DPY19L3: variants seen among roughly 807,000 people sequenced by gnomAD.
The protein encoded by DPY19L3 is dpy-19 like C-mannosyltransferase 3, also known as protein C-mannosyl-transferase DPY19L3.
DPY19L3 carries 51 observed loss-of-function variants against 92.3 expected under a neutral mutation model. The ratio of observed to expected loss-of-function variants is 0.55; its 90% confidence interval spans 0.44 to 0.70. DPY19L3 has a LOEUF of 0.70. Ranked by LOEUF, DPY19L3 falls within the 30% of genes least tolerant of loss-of-function variation. DPY19L3 has a pLI of 0.00. For synonymous variants in DPY19L3, 309 were observed against 315.2 expected (o/e 0.98, Z 0.21); for missense variants, 706 against 855.9 (o/e 0.82, Z 2.18).
chr19:32,417,517 C>T (rs1357457987), intron 3 of DPY19L3, among the ~76,000 whole-genome samples: 1 of 152,120 alleles, frequency 6.6e-6, no homozygotes, highest in Admixed American at 6.5e-5. Context: ...GATGGGATTT[C>T]ACCATGTTGG....
At chr19:32,477,962 C>T (rs1002633609) in intron 17 of DPY19L3, among the ~76,000 whole-genome samples, 1 of 152,164 alleles carries the variant, frequency 6.6e-6, no homozygotes, top group Non-Finnish European at 1.5e-5. Context: ...TGCAGGGAAA[C>T]TCCCCCTTAT....
chr19:32,417,772 A>T (rs1968427660), intron 3 of DPY19L3, among the ~76,000 whole-genome samples: 1 of 152,142 alleles, frequency 6.6e-6, no homozygotes, highest in Non-Finnish European at 1.5e-5. Flanking sequence ...TCTTTCCTTT[A>T]TAAATTACCC....
intron 9 of DPY19L3, among the ~76,000 whole-genome samples, chr19:32,453,851 CT>C (rs1425302651): frequency 1.3e-5 from 2 of 152,016 alleles, no homozygotes; most frequent in Admixed American, 1.3e-4. Context: ...ATGACTTGCT[CT>C]TTTAGCTTTA....
chr19:32,430,828 A>G (rs1367353203), intron 3 of DPY19L3, among the ~76,000 whole-genome samples: 3 of 136,758 alleles, frequency 2.2e-5, no homozygotes, highest in Non-Finnish European at 4.7e-5. Flanking sequence ...GGGTTTTGCC[A>G]TGTTGCCCAG....
In DPY19L3 at chr19:32,458,097, T is replaced by C. The variant is rs368692656; in HGVS notation, c.1090-3T>C. ...CAATTTTTGTTTTCTCTTTCCCCGATAGAAAATTCTTAACCTGAAGTCAGA... is the reference window on the plus strand; with the variant it reads ...CAATTTTTGTTTTCTCTTTCCCCGACAGAAAATTCTTAACCTGAAGTCAGA... On this transcript the variant is annotated splice_polypyrimidine_tract_variant and splice_region_variant and intron_variant, in intron 10 of 18. Coordinates refer to ENST00000392250, the MANE Select transcript of DPY19L3 (RefSeq NM_001172774.2). The C allele has an allele frequency of 8.2e-5, 132 of 1,608,808 alleles. No individual in the cohort carries two copies. The highest frequency in any genetic ancestry group is 1.1e-4 in the Non-Finnish European group (129 of 1,178,538).
chr19:32,408,215 A>G lies in DPY19L3; in HGVS notation c.-37-2A>G, dbSNP rs773827986. 9.6e-6 allele frequency: 14 copies of G among 1,464,016 alleles called. No individual in the cohort carries two copies. Among genetic ancestry groups the G allele is most frequent in the African/African-American group, 1.4e-5 (1 of 71,520 alleles). 90.7% of individuals were successfully genotyped at this position (1,464,016 alleles called of 1,614,324 possible). A position where few individuals can be genotyped will look rare whatever the true frequency, so the allele number is the denominator to read the frequency against. The stretch of plus-strand genomic sequence containing the variant: ...GTTGATGGCCTGTTTATTGCTATCT[A>G]GGAGTGATTTGGAGAACAATGCATG... On this transcript the variant is annotated splice_acceptor_variant, in intron 1 of 18. Transcript: ENST00000392250. LOFTEE classifies it low-confidence loss of function (5UTR_SPLICE).
At chr19:32,443,882 C>T (rs952638965) in intron 8 of DPY19L3, among the ~76,000 whole-genome samples, 1 of 151,824 alleles carries the variant, frequency 6.6e-6, no homozygotes, top group African/African-American at 2.4e-5. Context: ...ATGGTGAAAC[C>T]CCGTCACTAC....
At chr19:32,409,470 C>A (rs1259883447) in intron 2 of DPY19L3, among the ~76,000 whole-genome samples, 1 of 152,222 alleles carries the variant, frequency 6.6e-6, no homozygotes, top group Non-Finnish European at 1.5e-5. Context: ...GAACTGTGAT[C>A]AATTTCCTTG....
chr19:32,467,636 T>C (rs928529852), intron 15 of DPY19L3: 2 of 987,516 alleles, frequency 2.0e-6, no homozygotes, highest in African/African-American at 3.5e-5. Flanking sequence ...GGTGCTGCTT[T>C]GATTCTACTA....
intron 16 of DPY19L3, among the ~76,000 whole-genome samples, chr19:32,476,722 G>A (rs1464309932): frequency 6.6e-6 from 1 of 152,112 alleles, no homozygotes; most frequent in Non-Finnish European, 1.5e-5. Context: ...TTGTGCCTTA[G>A]TATTAGGGTG....
At chr19:32,477,745 AC>A (rs1970555629) in intron 17 of DPY19L3, 91 bp downstream of exon 17, 8 of 1,525,118 alleles carry the variant, frequency 5.2e-6, no homozygotes, top group Non-Finnish European at 6.2e-6. Context: ...TGAATGCTGC[AC>A]CCTCCAGCAT....
At chr19:32,438,244 GC>G (rs1167290971) in intron 6 of DPY19L3, among the ~76,000 whole-genome samples, 1 of 152,060 alleles carries the variant, frequency 6.6e-6, no homozygotes, top group East Asian at 1.9e-4. Flanking sequence ...GTAAGTCTAA[GC>G]AAATTACGTG....
At chr19:32,440,357 A>T (rs1969284345) in intron 8 of DPY19L3, among the ~76,000 whole-genome samples, 1 of 152,218 alleles carries the variant, frequency 6.6e-6, no homozygotes, top group Non-Finnish European at 1.5e-5. Flanking sequence ...GTCACATGTG[A>T]AATAAAGAAA....
At chr19:32,434,036 A>G (rs1382393056) in intron 4 of DPY19L3, among the ~76,000 whole-genome samples, 1 of 152,206 alleles carries the variant, frequency 6.6e-6, no homozygotes, top group Non-Finnish European at 1.5e-5. Context: ...CTTGCAGTAC[A>G]GTTTATACAA....
intron 8 of DPY19L3, 50 bp from the exon 9 acceptor site, chr19:32,453,095 A>AT: frequency 6.2e-7 from 1 of 1,606,286 alleles, no homozygotes; most frequent in Non-Finnish European, 8.5e-7. Context: ...TCGACATGTG[A>AT]TGATCTCTTG....
At chr19:32,477,821 A>G (rs1342457319) in intron 17 of DPY19L3, among the ~76,000 whole-genome samples, 167 bp downstream of exon 17, 2 of 152,196 alleles carry the variant, frequency 1.3e-5, no homozygotes, top group Admixed American at 1.3e-4. Flanking sequence ...ACACTGGGCA[A>G]TTTACAGAAG....
In DPY19L3 at chr19:32,485,722, T is replaced by TA. The variant is rs1480263953; in HGVS notation, c.*3482_*3483insA. On this transcript the variant is annotated 3_prime_UTR_variant, in exon 19 of 19. Transcript: ENST00000392250. The stretch of plus-strand genomic sequence containing the variant: ...ATGGCAACCTTTTGGCCTAAGAGAA[T>TA]GTTTGTTCATGGAAAAAAGCTTTTG... 6.6e-6 allele frequency: 1 copy of TA among 152,224 alleles called. No homozygotes were observed. Among genetic ancestry groups the TA allele is most frequent in the African/African-American group, 2.4e-5 (1 of 41,446 alleles). 9.4% of individuals were successfully genotyped at this position (152,224 alleles called of 1,614,324 possible). A position where few individuals can be genotyped will look rare whatever the true frequency, so the allele number is the denominator to read the frequency against.
At chr19:32,439,085 T>C (rs752243082) in intron 6 of DPY19L3, 27 bp from the exon 7 acceptor site, 6 of 1,583,400 alleles carry the variant, frequency 3.8e-6, no homozygotes, top group Non-Finnish European at 5.2e-6. Context: ...ACTATCACTT[T>C]GGCCATTTGT....
Position 32,461,736 on chromosome 19 carries a change from T to C in DPY19L3, c.1323-1630T>C, listed in dbSNP as rs113646870. On this transcript the variant is annotated intron_variant, in intron 12 of 18. Coordinates refer to ENST00000392250, the MANE Select transcript of DPY19L3 (RefSeq NM_001172774.2). Reference sequence around the variant, plus strand: ...GAAGCATCGTATGTGCCCAGTTCTATTGGGTATGTATGAAGGGATCAGTAG... The same window carrying C: ...GAAGCATCGTATGTGCCCAGTTCTACTGGGTATGTATGAAGGGATCAGTAG... Among the ~76,000 whole-genome samples the C allele has an allele frequency of 3.1e-3, 478 of 152,332 alleles. 1 individual carries two copies. The highest frequency in any genetic ancestry group is 0.011 in the African/African-American group (454 of 41,590).
Sources: gnomAD v4.1 joint callset for allele counts (sites outside exome capture counted in the v4.1 genomes callset) on GRCh38, gnomAD v4.1.1 for gene constraint, MANE v1.5 for transcripts, NCBI Gene and HGNC (gene_info 2026-07-23, HGNC 2026-07-21) for gene names.